TBC1D31: variants seen among roughly 807,000 people sequenced by gnomAD.
TBC1D31 encodes TBC1 domain family member 31, also known as WD repeat domain 67.
Under a neutral mutation model 132.9 loss-of-function variants are expected in TBC1D31, and 99 were observed. The ratio of observed to expected loss-of-function variants is 0.74; its 90% confidence interval spans 0.63 to 0.88. The LOEUF (loss-of-function observed/expected upper bound fraction) is 0.88. TBC1D31 is among the 40% of genes least tolerant of loss of function. The pLI, the probability that TBC1D31 is intolerant of heterozygous loss-of-function variation, is 0.00. For synonymous variants in TBC1D31, 385 were observed against 419.4 expected, an observed-to-expected ratio of 0.92 and a Z score of 1.00; for missense variants, 1,134 against 1,256.6, an observed-to-expected ratio of 0.90 and a Z score of 1.48.
chr8:123,137,781 A>G (rs1375018647), intron 17 of TBC1D31, among the ~76,000 whole-genome samples: 3 of 152,238 alleles, frequency 2.0e-5, no homozygotes, highest in Admixed American at 6.5e-5. Flanking sequence ...CTCCAGGTAT[A>G]CAGACACTCT....
At chr8:123,149,130 C>T (rs1238406127) in intron 20 of TBC1D31, among the ~76,000 whole-genome samples, 2 of 152,028 alleles carry the variant, frequency 1.3e-5, no homozygotes, top group Non-Finnish European at 2.9e-5. Flanking sequence ...GAGTTCTGTC[C>T]GCAGAAACCG....
intron 8 of TBC1D31, 26 bp downstream of exon 8, chr8:123,105,490 T>G: frequency 6.3e-7 from 1 of 1,586,624 alleles, no homozygotes; most frequent in Non-Finnish European, 8.6e-7. Flanking sequence ...AATTAAACTT[T>G]GTCATGATTC....
intron 7 of TBC1D31, chr8:123,103,151 T>C (rs960228914): frequency 2.6e-5 from 4 of 152,226 alleles, no homozygotes; most frequent in African/African-American, 9.6e-5. Flanking sequence ...ATGGTGACTT[T>C]ATAGAACCAC....
chr8:123,134,730 T>C (rs1820924362), intron 17 of TBC1D31, among the ~76,000 whole-genome samples: 2 of 152,198 alleles, frequency 1.3e-5, no homozygotes, highest in Admixed American at 6.5e-5. Flanking sequence ...CTTAGTCTAG[T>C]GTCTGAAGCA....
downstream of TBC1D31, among the ~76,000 whole-genome samples, chr8:123,155,939 G>T (rs144440632): frequency 5.9e-5 from 9 of 152,298 alleles, no homozygotes; most frequent in Admixed American, 1.3e-4. The surrounding 1 kb of genome is among the most constrained non-coding windows in gnomAD (Gnocchi z 4.1). Flanking sequence ...ATTACAGAGG[G>T]TGAATAGGGC....
At chr8:123,088,590 T>G (rs1463277319) in intron 4 of TBC1D31, among the ~76,000 whole-genome samples, 2 of 152,258 alleles carry the variant, frequency 1.3e-5, no homozygotes, top group African/African-American at 4.8e-5. Flanking sequence ...CAGGAGAGCC[T>G]GAGAACATGT....
chr8:123,145,692 T>TA (rs11434734), intron 20 of TBC1D31, among the ~76,000 whole-genome samples: 24,395 of 141,324 alleles, frequency 0.17, 2,279 homozygotes, highest in African/African-American at 0.26. Context: ...CCTGTCTCTT[T>TA]AAAAAAAAAA....
chr8:123,102,438 G>T (rs978970241), intron 7 of TBC1D31: 2 of 344,006 alleles, frequency 5.8e-6, no homozygotes, highest in Non-Finnish European at 1.1e-5. Flanking sequence ...GTGTCTTATT[G>T]CAGAAAAAAA....
chr8:123,090,420 A>C (rs1430603196), intron 4 of TBC1D31, among the ~76,000 whole-genome samples: 1 of 152,144 alleles, frequency 6.6e-6, no homozygotes, highest in East Asian at 1.9e-4. Flanking sequence ...TAAGATATTC[A>C]GCTCATTAGT....
chr8:123,082,519 T>G, intron 2 of TBC1D31, 183 bp from the exon 3 acceptor site: 1 of 564,622 alleles, frequency 1.8e-6, no homozygotes, highest in South Asian at 2.3e-5. Flanking sequence ...TACAGTGGTT[T>G]CCTATTCTGA....
At chr8:123,149,659 G>C (rs1024221235) in intron 20 of TBC1D31, among the ~76,000 whole-genome samples, 2 of 152,198 alleles carry the variant, frequency 1.3e-5, no homozygotes, top group African/African-American at 4.8e-5. Context: ...CCTATGGCTG[G>C]CTCTGATTTG....
downstream of TBC1D31, among the ~76,000 whole-genome samples, chr8:123,156,528 CTATTCCATCATAA>C (rs1822994185): frequency 1.3e-5 from 2 of 151,778 alleles, no homozygotes; most frequent in African/African-American, 2.4e-5. Context: ...CTGGTTATAG[CTATTCCATCATAA>C]TTTAATTCGC....
downstream of TBC1D31, among the ~76,000 whole-genome samples, chr8:123,152,439 C>T (rs1168312359): frequency 6.6e-6 from 1 of 152,150 alleles, no homozygotes; most frequent in African/African-American, 2.4e-5. Context: ...CTCCTTCTGC[C>T]CTCTGCCTGC....
chr8:123,072,849 A>T lies in TBC1D31; in HGVS notation c.77+3A>T. On this transcript the variant is annotated splice_donor_region_variant and intron_variant, in intron 1 of 21. Coordinates refer to ENST00000287380, the MANE Select transcript of TBC1D31 (RefSeq NM_145647.4). ...CCGTCCCCGGCCACGCGGGACGGGTAAAGGCCGTGGCGGGAGGGCGCGGGC... is the reference window on the plus strand; with the variant it reads ...CCGTCCCCGGCCACGCGGGACGGGTTAAGGCCGTGGCGGGAGGGCGCGGGC... 1 of 1,562,212 alleles carries T rather than the reference A, an allele frequency of 6.4e-7. No individual in the cohort carries two copies. The highest frequency in any genetic ancestry group is 8.7e-7 in the Non-Finnish European group (1 of 1,153,434).
chr8:123,164,821 C>G, the TBC1D31 span, among the ~76,000 whole-genome samples: 1 of 152,144 alleles, frequency 6.6e-6, no homozygotes, highest in Non-Finnish European at 1.5e-5. Context: ...CATAGGGAAG[C>G]CCTGTGAGTG....
At position 123,141,413 on chromosome 8, in the gene TBC1D31, G is replaced by A. The variant is rs574320559; in HGVS notation, c.2640+512G>A. Among the ~76,000 whole-genome samples the A allele has an allele frequency of 6.7e-5, 7 of 104,556 alleles. No homozygotes were observed. The South Asian group carries it at 2.2e-3, about 33-fold the overall frequency. 68.6% of individuals were successfully genotyped at this position (104,556 alleles called of 152,430 possible). ...AGTATTGGAAATGCTGTCTTAAAGT[G>A]AGGTATTTTTCACGCCAAATTTGAG... On this transcript the variant is annotated intron_variant, in intron 18 of 21. Coordinates refer to ENST00000287380, the MANE Select transcript of TBC1D31 (RefSeq NM_145647.4).
At chr8:123,092,389 A>C (rs979090578) in intron 4 of TBC1D31, among the ~76,000 whole-genome samples, 33 of 152,284 alleles carry the variant, frequency 2.2e-4, no homozygotes, top group African/African-American at 7.7e-4. Flanking sequence ...ATATCATATA[A>C]CATCTTTAAA....
chr8:123,099,897 G>T (rs1485270460), intron 6 of TBC1D31, among the ~76,000 whole-genome samples: 1 of 152,058 alleles, frequency 6.6e-6, no homozygotes, highest in Non-Finnish European at 1.5e-5. Flanking sequence ...GCCTCATATG[G>T]GTGAGAAAGG....
At chr8:123,077,349 A>T in intron 2 of TBC1D31, 92 bp downstream of exon 2, 1 of 1,297,624 alleles carries the variant, frequency 7.7e-7, no homozygotes, top group Admixed American at 2.5e-5. Flanking sequence ...ATTCAGAAAG[A>T]TTTATTAAGT....
Sources: gnomAD v4.1 joint callset for allele counts (sites outside exome capture counted in the v4.1 genomes callset) on GRCh38, gnomAD v4.1.1 for gene constraint, Gnocchi (gnomAD v3.1) non-coding constraint, MANE v1.5 for transcripts, NCBI Gene and HGNC (gene_info 2026-07-23, HGNC 2026-07-21) for gene names.